Variants in NLGN1 observed in about 807,000 individuals in gnomAD.
The protein encoded by NLGN1 is neuroligin 1.
A neutral mutation model predicts 65.5 loss-of-function variants in NLGN1; 12 were observed. The observed-to-expected ratio is 0.18, with a 90% CI of 0.12 to 0.30. The LOEUF (loss-of-function observed/expected upper bound fraction) is 0.30, where lower values mean the gene tolerates loss of function less well. Ranked by LOEUF, NLGN1 falls within the 10% of genes least tolerant of loss-of-function variation. NLGN1 has a pLI of 1.00. For synonymous variants in NLGN1, 350 were observed against 359.5 expected, an observed-to-expected ratio of 0.97 and a Z score of 0.30; for missense variants, 750 against 1,007.1, an observed-to-expected ratio of 0.74 and a Z score of 3.46.
chr3:174,127,358 G>A (rs936820983), intron 4 of NLGN1, among the ~76,000 whole-genome samples: 14 of 152,074 alleles, frequency 9.2e-5, no homozygotes, highest in African/African-American at 3.4e-4. Flanking sequence ...AGCATTGTAA[G>A]GACATAATAT....
At chr3:173,858,951 T>C (rs1728539818) in intron 4 of NLGN1, among the ~76,000 whole-genome samples, 1 of 152,084 alleles carries the variant, frequency 6.6e-6, no homozygotes, top group African/African-American at 2.4e-5. Flanking sequence ...ACAGCTTTTG[T>C]CTAAAATAAA....
At chr3:173,787,555 A>G (rs1711510751) in intron 3 of NLGN1, among the ~76,000 whole-genome samples, 2 of 152,216 alleles carry the variant, frequency 1.3e-5, no homozygotes, top group Admixed American at 1.3e-4. Flanking sequence ...TACAAAAAGT[A>G]GCTTGATTTG....
intron 4 of NLGN1, among the ~76,000 whole-genome samples, chr3:174,040,436 G>A (rs1164397613): frequency 6.6e-6 from 1 of 152,136 alleles, no homozygotes; most frequent in African/African-American, 2.4e-5. Context: ...TGACCTTGAA[G>A]GGGAATGTAG....
intron 3 of NLGN1, among the ~76,000 whole-genome samples, chr3:173,792,860 G>A (rs995472323): frequency 1.3e-5 from 2 of 152,052 alleles, no homozygotes; most frequent in African/African-American, 4.8e-5. Flanking sequence ...CTTCCATTTG[G>A]AATAGAAAAT....
intron 2 of NLGN1, among the ~76,000 whole-genome samples, chr3:173,470,705 A>T (rs1725177000): frequency 1.3e-5 from 2 of 152,172 alleles, no homozygotes; most frequent in South Asian, 4.1e-4. Context: ...AGCACTCAAT[A>T]ACATGTGAAC....
intron 4 of NLGN1, among the ~76,000 whole-genome samples, chr3:174,097,868 G>A (rs1277224667): frequency 1.3e-5 from 2 of 152,160 alleles, no homozygotes; most frequent in Non-Finnish European, 2.9e-5. Context: ...CCCTAAGAAG[G>A]TAGTGATTCA....
downstream of NLGN1, chr3:174,286,681 T>G (rs539202605): frequency 1.8e-4 from 28 of 151,742 alleles, no homozygotes; most frequent in South Asian, 5.8e-3. Flanking sequence ...AAATAATTTC[T>G]TCTCTATTTG....
At chr3:173,496,094 T>G (rs954842090) in intron 2 of NLGN1, among the ~76,000 whole-genome samples, 3 of 151,778 alleles carry the variant, frequency 2.0e-5, no homozygotes, top group Admixed American at 2.0e-4. Flanking sequence ...TATACTTGGA[T>G]TTTCCTGTCT....
intron 2 of NLGN1, among the ~76,000 whole-genome samples, chr3:173,500,162 C>T (rs1730810295): frequency 6.6e-6 from 1 of 152,140 alleles, no homozygotes; most frequent in South Asian, 2.1e-4. Context: ...AGTTTTTGTC[C>T]ATTCATTATG....
chr3:173,929,060 C>T (rs1743555073), intron 4 of NLGN1, among the ~76,000 whole-genome samples: 1 of 152,060 alleles, frequency 6.6e-6, no homozygotes, highest in South Asian at 2.1e-4. Context: ...TATTTAAGAA[C>T]CTCTAAATTT....
chr3:173,942,241 C>T (rs13088479), intron 4 of NLGN1, among the ~76,000 whole-genome samples: 40,009 of 151,470 alleles, frequency 0.26, 5,528 homozygotes, highest in East Asian at 0.34. Context: ...TTCTGGGCAT[C>T]TTATAATAAT....
At chr3:174,002,410 G>T (rs965270841) in intron 4 of NLGN1, among the ~76,000 whole-genome samples, 4 of 152,184 alleles carry the variant, frequency 2.6e-5, no homozygotes, top group South Asian at 2.1e-4. Flanking sequence ...TTATAGGTGT[G>T]AGCCACCATG....
At chr3:173,834,351 G>C (rs1446983208) in intron 4 of NLGN1, among the ~76,000 whole-genome samples, 4 of 151,786 alleles carry the variant, frequency 2.6e-5, no homozygotes, top group African/African-American at 9.7e-5. Context: ...TCTTTTTCAC[G>C]TTGTATTTTT....
At chr3:174,191,634 T>G (rs1001267131) in intron 4 of NLGN1, among the ~76,000 whole-genome samples, 2 of 152,176 alleles carry the variant, frequency 1.3e-5, no homozygotes, top group African/African-American at 4.8e-5. Context: ...GGCCACCACA[T>G]TCAAGCTATG....
At chr3:174,161,595 G>T (rs1229794808) in intron 4 of NLGN1, among the ~76,000 whole-genome samples, 3 of 151,800 alleles carry the variant, frequency 2.0e-5, no homozygotes, top group Non-Finnish European at 4.4e-5. Context: ...AAAATTAGGG[G>T]TTTCTATAGC....
intron 2 of NLGN1, among the ~76,000 whole-genome samples, chr3:173,573,317 A>G (rs1480148115): frequency 1.3e-5 from 2 of 152,158 alleles, no homozygotes; most frequent in Non-Finnish European, 2.9e-5. Context: ...ACTGAGTACA[A>G]TATTGGTACA....
chr3:173,655,392 G>A (rs1759842140), intron 3 of NLGN1, among the ~76,000 whole-genome samples: 1 of 151,980 alleles, frequency 6.6e-6, no homozygotes, highest in South Asian at 2.1e-4. Flanking sequence ...ATTCTGTTAT[G>A]TACACATTTT....
At position 173,848,101 on chromosome 3, in the gene NLGN1, GCTGTGAGA is replaced by G. The variant is rs538401043; in HGVS notation, c.646+40272_646+40279del. 1.6e-3 allele frequency among the ~76,000 whole-genome samples: 238 copies of G among 152,186 alleles called. 1 individual carries two copies. Among genetic ancestry groups the G allele is most frequent in the Non-Finnish European group, 2.4e-3 (165 of 68,002 alleles). On this transcript the variant is annotated intron_variant, in intron 4 of 6. Coordinates refer to ENST00000457714, the Ensembl canonical transcript of NLGN1. ...CAGATTATAGAGTCTCCAATTACTAGCTGTGAGACTTGGAGCATGTTACTTAACCCCTG... is the reference window on the plus strand; with the variant it reads ...CAGATTATAGAGTCTCCAATTACTAGCTTGGAGCATGTTACTTAACCCCTG...
Position 173,551,201 on chromosome 3 carries a change from A to C in NLGN1, c.-320-53078A>C, listed in dbSNP as rs140573409. ...AGAAATTAGAGGAATCTTAGTGATA[A>C]ATAGTGTAATTTTCAGGATCTTGCT... On this transcript the variant is annotated intron_variant, in intron 2 of 6. Coordinates refer to ENST00000457714, the Ensembl canonical transcript of NLGN1. 8.5e-4 allele frequency among the ~76,000 whole-genome samples: 130 copies of C among 152,292 alleles called. 1 individual carries two copies. The highest frequency in any genetic ancestry group is 6.8e-3 in the Middle Eastern group (2 of 294).
Sources: gnomAD v4.1 joint callset for allele counts (sites outside exome capture counted in the v4.1 genomes callset) on GRCh38, gnomAD v4.1.1 for gene constraint, MANE v1.5 for transcripts, NCBI Gene and HGNC (gene_info 2026-07-23, HGNC 2026-07-21) for gene names.